The following GRIK3 variants were observed in gnomAD, a reference collection of about 807,000 sequenced individuals.
The protein encoded by GRIK3 is glutamate receptor ionotropic, kainate 3.
A neutral mutation model predicts 102.5 loss-of-function variants in GRIK3; 29 were observed. The observed-to-expected ratio is 0.28, with a 90% CI of 0.21 to 0.39. The LOEUF is 0.39. Among genes scored for constraint, GRIK3 ranks in the 10% least tolerant of loss-of-function variants. GRIK3 has a pLI of 1.00. For synonymous variants in GRIK3, 511 were observed against 504.9 expected (o/e 1.01, Z -0.16); for missense variants, 908 against 1,252.4 (o/e 0.73, Z 4.15).
At chr1:36,804,788 T>TG in intron 15 of GRIK3, 199 bp downstream of exon 15, 1 of 652,804 alleles carries the variant, frequency 1.5e-6, no homozygotes, top group Non-Finnish European at 2.6e-6. Flanking sequence ...GGGCTTGGCC[T>TG]GGGGTGGGGC....
At chr1:36,928,224 G>A (rs1389004782) in intron 1 of GRIK3, among the ~76,000 whole-genome samples, 1 of 152,182 alleles carries the variant, frequency 6.6e-6, no homozygotes, top group Admixed American at 6.5e-5. Flanking sequence ...GGTAGACACT[G>A]AATTAAATTT....
intron 5 of GRIK3, among the ~76,000 whole-genome samples, chr1:36,862,203 C>A (rs565396674): frequency 2.0e-4 from 30 of 152,260 alleles, no homozygotes; most frequent in African/African-American, 6.7e-4. Flanking sequence ...CCAACTCTGC[C>A]TTCAGTGACA....
intron 1 of GRIK3, among the ~76,000 whole-genome samples, chr1:37,010,901 C>T (rs1031332191): frequency 6.6e-6 from 1 of 151,968 alleles, no homozygotes; most frequent in African/African-American, 2.4e-5. Context: ...ACCACCGCGC[C>T]CGGCTAATTT....
chr1:37,027,958 T>C (rs1258563445), intron 1 of GRIK3, among the ~76,000 whole-genome samples: 1 of 152,200 alleles, frequency 6.6e-6, no homozygotes, highest in African/African-American at 2.4e-5. Context: ...CAACCCACGG[T>C]GTCTGTGACA....
rs541623409 is a variant in GRIK3, at chr1:36,952,494, T to G, written c.116-61398A>C. ...TTAGTTTTGTGACCACTAGTGAGTT[T>G]CTTCACTTCTCTGGTCCTCAGTTTT... On this transcript the variant is annotated intron_variant, in intron 1 of 15. Coordinates refer to ENST00000373091, the MANE Select transcript of GRIK3 (RefSeq NM_000831.4). Among the ~76,000 whole-genome samples, 6 of 152,376 alleles carry G rather than the reference T, an allele frequency of 3.9e-5. No individual in the cohort carries two copies. The South Asian group carries it at 1.2e-3, about 32-fold the overall frequency.
chr1:36,841,318 G>A (rs953884492), intron 10 of GRIK3, among the ~76,000 whole-genome samples: 3 of 152,176 alleles, frequency 2.0e-5, no homozygotes, highest in Non-Finnish European at 2.9e-5. Context: ...ATGCAGTGAC[G>A]GGTTTCTCTC....
At chr1:37,028,600 C>T (rs970703398) in intron 1 of GRIK3, among the ~76,000 whole-genome samples, 5 of 152,208 alleles carry the variant, frequency 3.3e-5, no homozygotes, top group African/African-American at 9.6e-5. Context: ...GGAGGACCAA[C>T]ATAGCCCAGC....
chr1:36,816,151 C>T (rs561408640), intron 13 of GRIK3, among the ~76,000 whole-genome samples: 27 of 152,296 alleles, frequency 1.8e-4, no homozygotes, highest in Non-Finnish European at 2.5e-4. Context: ...AGGCCTGGGT[C>T]GCACCTGGTT....
chr1:36,949,319 C>G (rs1167123239), intron 1 of GRIK3, among the ~76,000 whole-genome samples: 1 of 152,146 alleles, frequency 6.6e-6, no homozygotes, highest in Non-Finnish European at 1.5e-5. Context: ...TCCAGTCCCC[C>G]TACTGAAGCT....
chr1:36,936,245 T>C (rs80110901), intron 1 of GRIK3, among the ~76,000 whole-genome samples: 16,280 of 152,220 alleles, frequency 0.11, 1,032 homozygotes, highest in South Asian at 0.15. Flanking sequence ...CCCCCCATCC[T>C]GGAGGAATCC....
At chr1:36,818,457 C>A (rs1642654916) in intron 12 of GRIK3, among the ~76,000 whole-genome samples, 1 of 152,254 alleles carries the variant, frequency 6.6e-6, no homozygotes, top group Non-Finnish European at 1.5e-5. Context: ...TGGCCACTCC[C>A]AGCCTCCCCA....
At position 36,991,546 on chromosome 1, in the gene GRIK3, T is replaced by A. The variant is rs138833137; in HGVS notation, c.115+42448A>T. 3.3e-3 allele frequency among the ~76,000 whole-genome samples: 496 copies of A among 152,206 alleles called. 5 individuals are homozygous for A. Among genetic ancestry groups the A allele is most frequent in the African/African-American group, 0.011 (474 of 41,536 alleles). On this transcript the variant is annotated intron_variant, in intron 1 of 15. Coordinates refer to ENST00000373091, the MANE Select transcript of GRIK3 (RefSeq NM_000831.4). ...CTGTCTACAACCTTCATTTTACAGA[T>A]GAAATCAGGCTCGGGTGTGAAAAGC... is the stretch of plus-strand genomic sequence containing the variant.
At chr1:36,863,332 C>T (rs1276596045) in intron 5 of GRIK3, among the ~76,000 whole-genome samples, 1 of 152,154 alleles carries the variant, frequency 6.6e-6, no homozygotes, top group East Asian at 1.9e-4. Context: ...CTAGAGGGAT[C>T]TTTCTAAGGT....
At chr1:36,888,123 C>A (rs1173714179) in intron 2 of GRIK3, among the ~76,000 whole-genome samples, 2 of 151,978 alleles carry the variant, frequency 1.3e-5, no homozygotes, top group African/African-American at 4.8e-5. Flanking sequence ...CAGGTAATAG[C>A]CCCAAGCAGA....
In GRIK3 at chr1:36,819,522, C is replaced by A. The variant is rs476227; in HGVS notation, c.1873+214G>T. Among the ~76,000 whole-genome samples the A allele has an allele frequency of 0.19, 28,994 of 152,118 alleles. 3,368 individuals are homozygous for A. The highest frequency in any genetic ancestry group is 0.33 in the African/African-American group (13,631 of 41,468). ...CTGGGTGGTTTTCTTAGCTTTAGAC[C>A]CTGAGCCAGCTCCAGCCAGAGTGAA... On this transcript the variant is annotated intron_variant, in intron 12 of 15. Coordinates refer to ENST00000373091, the MANE Select transcript of GRIK3 (RefSeq NM_000831.4). This position sits in a 1 kb window ranked among gnomAD's most constrained non-coding sequence, Gnocchi z 4.1.
rs1006357231 is a variant in GRIK3, at chr1:36,922,839, G to A, written c.116-31743C>T. 3.9e-5 allele frequency among the ~76,000 whole-genome samples: 6 copies of A among 152,130 alleles called. No homozygotes were observed. In the South Asian group the frequency reaches 1.0e-3, roughly 26 times the overall value. ...TCCACTCCCTAAACCCCTGAGCAGGGATCCAGCCTCTCCTGCAACCCAGAA... is the reference window on the plus strand; with the variant it reads ...TCCACTCCCTAAACCCCTGAGCAGGAATCCAGCCTCTCCTGCAACCCAGAA... On this transcript the variant is annotated intron_variant, in intron 1 of 15. Coordinates refer to ENST00000373091, the MANE Select transcript of GRIK3 (RefSeq NM_000831.4).
intron 1 of GRIK3, among the ~76,000 whole-genome samples, chr1:36,893,756 G>T (rs780949160): frequency 2.0e-5 from 3 of 152,140 alleles, no homozygotes; most frequent in Non-Finnish European, 4.4e-5. Context: ...ATCTAGGGAC[G>T]TTCAACCAGA....
At chr1:36,894,052 T>C (rs1641146832) in intron 1 of GRIK3, among the ~76,000 whole-genome samples, 1 of 152,252 alleles carries the variant, frequency 6.6e-6, no homozygotes, top group South Asian at 2.1e-4. Context: ...AAGATTCACC[T>C]GTTTTAAAGT....
chr1:36,872,404 A>G lies in GRIK3; in HGVS notation c.551-35T>C, dbSNP rs746779773. The G allele has an allele frequency of 4.0e-6, 6 of 1,493,550 alleles. No homozygotes were observed. Among genetic ancestry groups the G allele is most frequent in the Admixed American group, 2.0e-5 (1 of 51,272 alleles). The allele number at this position is 1,493,550 out of a possible 1,614,324, so 92.5% of individuals were successfully genotyped here. ...CATGGAGCACAAAAGACACACGTGT[A>G]CCACATGTATCCACAGCTCCAGGCA... On this transcript the variant is annotated intron_variant, in intron 3 of 15. Coordinates refer to ENST00000373091, the MANE Select transcript of GRIK3 (RefSeq NM_000831.4). This position sits in a 1 kb window ranked among gnomAD's most constrained non-coding sequence, Gnocchi z 5.9.
Sources: allele counts gnomAD v4.1 joint callset (sites outside exome capture counted in the v4.1 genomes callset), GRCh38; gene constraint gnomAD v4.1.1; non-coding constraint Gnocchi (gnomAD v3.1); transcripts MANE v1.5; gene names NCBI Gene and HGNC (gene_info 2026-07-23, HGNC 2026-07-21).